Variants in GTF2IRD1 observed in about 807,000 individuals in gnomAD.
The protein encoded by GTF2IRD1 is GTF2I repeat domain containing 1.
In GTF2IRD1, 26 loss-of-function variants were observed where a neutral mutation model predicts 113.2. The observed-to-expected ratio is 0.23, with a 90% CI of 0.17 to 0.32. GTF2IRD1 has a LOEUF of 0.32. GTF2IRD1 is among the 10% of genes least tolerant of loss of function. The pLI is 1.00. For missense variants in GTF2IRD1, 864 were observed against 1,280.8 expected (o/e 0.67, Z 4.97); for synonymous variants, 484 against 529.1 (o/e 0.91, Z 1.17).
intron 22 of GTF2IRD1, among the ~76,000 whole-genome samples, chr7:74,573,181 C>T (rs1173538587): frequency 6.6e-5 from 10 of 151,948 alleles, no homozygotes; most frequent in Non-Finnish European, 8.8e-5. Flanking sequence ...TTGAGGCAGG[C>T]GGATTGCTTG....
At chr7:74,508,939 A>C (rs1584553190) in intron 2 of GTF2IRD1, among the ~76,000 whole-genome samples, 1 of 152,226 alleles carries the variant, frequency 6.6e-6, no homozygotes, top group South Asian at 2.1e-4. Context: ...TGTATAATAC[A>C]TCACTCCCCT....
At chr7:74,602,604 AAG>A in exon 27 of GTF2IRD1, 2 of 508,736 alleles carry the variant, frequency 3.9e-6, no homozygotes, top group Non-Finnish European at 3.4e-6. Flanking sequence ...AAAAAAAAAA[AAG>A]AGTGTTGCCT....
chr7:74,464,013 C>T (rs1584451320), intron 1 of GTF2IRD1, among the ~76,000 whole-genome samples: 1 of 152,116 alleles, frequency 6.6e-6, no homozygotes, highest in African/African-American at 2.4e-5. Flanking sequence ...TGTGAGCCAC[C>T]GCGCCCTGCC....
At chr7:74,567,301 C>T (rs1554360972) in intron 22 of GTF2IRD1, among the ~76,000 whole-genome samples, 1 of 151,452 alleles carries the variant, frequency 6.6e-6, no homozygotes. Context: ...GCACTCCAAC[C>T]CGGCGACACA....
In GTF2IRD1 at chr7:74,515,549, T is replaced by C. The variant is rs1796883869; in HGVS notation, c.374T>C (p.Val125Ala). ...TCCTCCCTGGAACATGGCTCAGATG[T>C]GTACCTTCTGCGGAAGATGGTAGAG... Reference protein sequence around the residue: ...PRSSLEHGSDVYLLRKMVEEV... With the variant: ...PRSSLEHGSDAYLLRKMVEEV... The change falls in exon 4 of 27, where the codon GTG (valine) becomes GCG (alanine). Residue 125 changes from valine (V) to alanine (A), a missense_variant. Transcript: ENST00000424337. 1.9e-6 allele frequency: 3 copies of C among 1,613,662 alleles called. No homozygotes were observed. The highest frequency in any genetic ancestry group is 1.7e-6 in the Non-Finnish European group (2 of 1,179,718).
At chr7:74,473,415 T>A (rs1446489716) in intron 1 of GTF2IRD1, among the ~76,000 whole-genome samples, 5 of 150,262 alleles carry the variant, frequency 3.3e-5, no homozygotes, top group Non-Finnish European at 7.4e-5. Context: ...GGTTGCATGG[T>A]GGCAGCTCAG....
intron 16 of GTF2IRD1, 42 bp downstream of exon 16, chr7:74,545,851 C>A: frequency 6.9e-7 from 1 of 1,458,624 alleles, no homozygotes; most frequent in Non-Finnish European, 9.6e-7. Flanking sequence ...ATCCCGGCCC[C>A]CCTCCAGCCG....
chr7:74,540,747 A>G (rs1798585755), intron 14 of GTF2IRD1, among the ~76,000 whole-genome samples: 1 of 151,742 alleles, frequency 6.6e-6, no homozygotes, highest in Non-Finnish European at 1.5e-5. Flanking sequence ...CTGGGAGTTC[A>G]AGATCAGCCT....
intron 1 of GTF2IRD1, among the ~76,000 whole-genome samples, chr7:74,503,834 T>C (rs528844091): frequency 1.1e-3 from 173 of 152,344 alleles, no homozygotes; most frequent in African/African-American, 4.1e-3. Context: ...TGCTGAGATT[T>C]GGGATACAAG....
chr7:74,544,760 G>A lies in GTF2IRD1; in HGVS notation c.1624G>A (p.Gly542Ser). 5 of 1,613,940 alleles carry A rather than the reference G, an allele frequency of 3.1e-6. No homozygotes were observed. Among genetic ancestry groups the A allele is most frequent in the South Asian group, 1.1e-5 (1 of 91,064 alleles). The change falls in exon 15 of 27, where the codon GGT becomes AGT. Residue 542 changes from glycine (G) to serine (S), a missense_variant. This residue lies in a region of GTF2IRD1 where 218 missense variants were observed against 352.6 expected (regional missense o/e 0.62). Coordinates refer to ENST00000424337, the MANE Select transcript of GTF2IRD1 (RefSeq NM_005685.4). ...GYGMEMLTDK[G>S]LSEDARPEER... ...CATCCTCTGTTCTCTTTTAGACAAA[G>A]GTCTGAGTGAGGACGCGCGGCCCGA...
rs1289791459 is a variant in GTF2IRD1, at chr7:74,555,506, C to T, written c.2023+12C>T. ...ACAGGGCTTTCAAGGTAAGGTTGAG[C>T]TCACGGGGAGGTCTGTTGTCCCAGC... On this transcript the variant is annotated intron_variant, in intron 19 of 26. Transcript: ENST00000424337. The surrounding 1 kb of genome is among the most constrained non-coding windows in gnomAD (Gnocchi z 5.3). The T allele has an allele frequency of 3.9e-6, 6 of 1,535,346 alleles. No individual in the cohort carries two copies. The Middle Eastern group carries it at 5.1e-4, about 130-fold the overall frequency.
chr7:74,551,049 T>A (rs1421742738), intron 17 of GTF2IRD1, among the ~76,000 whole-genome samples: 1 of 149,614 alleles, frequency 6.7e-6, no homozygotes, highest in Admixed American at 6.7e-5. Context: ...CCTTTAAAAA[T>A]ACAAAGAGAG....
intron 17 of GTF2IRD1, among the ~76,000 whole-genome samples, chr7:74,547,755 CT>C (rs587743253): frequency 0.022 from 2,521 of 114,226 alleles, 21 homozygotes; most frequent in Non-Finnish European, 0.031. Flanking sequence ...TTCTCTCTCT[CT>C]TTTTTTTTTT....
rs372376009 is a variant in GTF2IRD1 at position 74,508,388 on chromosome 7, G to A, written c.123+185G>A. On this transcript the variant is annotated intron_variant, in intron 2 of 26. Transcript: ENST00000424337. ...AGATGTGAGACTTCAGCGAGATCCA[G>A]TACATAAAAATCTAGCCCTGGGGCC... Among the ~76,000 whole-genome samples the A allele has an allele frequency of 9.8e-5, 15 of 152,292 alleles. 1 individual carries two copies. In the East Asian group the frequency reaches 2.9e-3, roughly 29 times the overall value.
At position 74,564,130 on chromosome 7, in the gene GTF2IRD1, G is replaced by T. The variant is rs1453802452; in HGVS notation, c.2320+4475G>T. Among the ~76,000 whole-genome samples, 3 of 152,086 alleles carry T rather than the reference G, an allele frequency of 2.0e-5. No homozygotes were observed. In the East Asian group the frequency reaches 5.8e-4, roughly 29 times the overall value. ...CAACCTCCACCTCCCGAGTTCAAGC[G>T]ATTCGCCTGCCTCAGCCTCCTGAGT... On this transcript the variant is annotated intron_variant, in intron 22 of 26. Coordinates refer to ENST00000424337, the MANE Select transcript of GTF2IRD1 (RefSeq NM_005685.4).
chr7:74,459,786 G>C (rs1793242012), intron 1 of GTF2IRD1, among the ~76,000 whole-genome samples: 1 of 152,098 alleles, frequency 6.6e-6, no homozygotes, highest in African/African-American at 2.4e-5. Context: ...GACTGAACTG[G>C]AGGTCTTGCA....
In GTF2IRD1 at chr7:74,515,370, G is replaced by A. The variant is rs587659028; in HGVS notation, c.266-71G>A. 2.6e-5 allele frequency: 40 copies of A among 1,543,846 alleles called. No individual in the cohort carries two copies. In the Middle Eastern group the frequency reaches 6.7e-4, roughly 26 times the overall value. On this transcript the variant is annotated intron_variant, in intron 3 of 26. Coordinates refer to ENST00000424337, the MANE Select transcript of GTF2IRD1 (RefSeq NM_005685.4). ...TCTCCGCAGCTCAGCACAGGGCAGC[G>A]ACATCCCAGCTCGAAGGCCGGGTGG...
intron 1 of GTF2IRD1, among the ~76,000 whole-genome samples, chr7:74,466,313 C>T (rs991177808): frequency 2.0e-5 from 3 of 152,052 alleles, no homozygotes; most frequent in Admixed American, 6.5e-5. Context: ...CCCTGGAGGA[C>T]GGTGATTTGG....
intron 14 of GTF2IRD1, among the ~76,000 whole-genome samples, chr7:74,540,169 G>A (rs1189452798): frequency 2.0e-5 from 3 of 152,068 alleles, no homozygotes; most frequent in Non-Finnish European, 4.4e-5. Flanking sequence ...ATTTAGAGAC[G>A]GAGTTTCACT....
Sources: allele counts gnomAD v4.1 joint callset (sites outside exome capture counted in the v4.1 genomes callset), GRCh38; gene constraint gnomAD v4.1.1; regional missense constraint gnomAD v4.1.1; non-coding constraint Gnocchi (gnomAD v3.1); transcripts MANE v1.5; gene names NCBI Gene and HGNC (gene_info 2026-07-23, HGNC 2026-07-21).